The following THBS4 variants were observed in gnomAD, a reference collection of about 807,000 sequenced individuals.
THBS4 encodes the protein thrombospondin-4.
A neutral mutation model predicts 115.7 loss-of-function variants in THBS4; 90 were observed. The observed-to-expected ratio is 0.78, with a 90% CI of 0.66 to 0.93. The LOEUF (loss-of-function observed/expected upper bound fraction) is 0.93. Among genes scored for constraint, THBS4 ranks in the 40% least tolerant of loss-of-function variants. The pLI is 0.00. For synonymous variants in THBS4, 460 were observed against 479.3 expected (o/e 0.96, Z 0.53); for missense variants, 1,087 against 1,232.7 (o/e 0.88, Z 1.77).
chr5:80,028,735 AG>A (rs1180725834), intron 2 of THBS4, among the ~76,000 whole-genome samples: 2 of 152,194 alleles, frequency 1.3e-5, no homozygotes, highest in Non-Finnish European at 2.9e-5. Flanking sequence ...CTGGGATTAC[AG>A]GCGTGAGCTA....
upstream of THBS4, among the ~76,000 whole-genome samples, chr5:80,032,963 A>G (rs1257636678): frequency 6.6e-6 from 1 of 152,146 alleles, no homozygotes. Context: ...ATTTGCTAGG[A>G]TCGAAAATTC....
Position 80,078,943 on chromosome 5 carries a change from T to A in THBS4, c.2288T>A (p.Met763Lys). 5 of 1,614,192 alleles carry A rather than the reference T, an allele frequency of 3.1e-6. No homozygotes were observed. Among genetic ancestry groups the A allele is most frequent in the Non-Finnish European group, 4.2e-6 (5 of 1,180,012 alleles). Residue 763 changes from methionine (M) to lysine (K), a missense_variant, in exon 18 of 22, where the codon ATG becomes AAG. Physicochemically the swap from Met to Lys is moderately conservative, Grantham distance 95. This residue lies in a region of THBS4 where 979 missense variants were observed against 1,103.7 expected (regional missense o/e 0.89). Coordinates refer to ENST00000350881, the MANE Select transcript of THBS4 (RefSeq NM_003248.6). The stretch of plus-strand genomic sequence containing the variant: ...CAGGGCATGGAGATTGTACAGACCA[T>A]GAACAGTGATCCTGGCCTGGCAGTG... ...LNQGMEIVQT[M>K]NSDPGLAVGY...
At chr5:80,010,770 G>T (rs555554997) in intron 2 of THBS4, among the ~76,000 whole-genome samples, 1 of 152,232 alleles carries the variant, frequency 6.6e-6, no homozygotes, top group Admixed American at 6.5e-5. Flanking sequence ...GATACGGGGC[G>T]TTGAAGCTGA....
intron 2 of THBS4, among the ~76,000 whole-genome samples, chr5:79,999,241 A>G (rs2151149088): frequency 6.6e-6 from 1 of 152,350 alleles, no homozygotes. Flanking sequence ...GCATAATAAG[A>G]ATTACTATAA....
upstream of THBS4, among the ~76,000 whole-genome samples, chr5:80,031,089 A>G (rs1307651660): frequency 6.6e-6 from 1 of 152,244 alleles, no homozygotes; most frequent in African/African-American, 2.4e-5. Context: ...TCACACATGC[A>G]GCAAAGGGGT....
chr5:80,065,269 C>T, intron 8 of THBS4, 140 bp from the exon 9 acceptor site: 1 of 652,740 alleles, frequency 1.5e-6, no homozygotes, highest in South Asian at 2.0e-5. Flanking sequence ...GGAGATGGCA[C>T]AAATAACCCT....
intron 2 of THBS4, among the ~76,000 whole-genome samples, chr5:80,055,470 T>C (rs1195014944): frequency 6.6e-6 from 1 of 152,236 alleles, no homozygotes; most frequent in East Asian, 1.9e-4. Context: ...GATTGGGTTC[T>C]GCTTGCTCAT....
At chr5:80,017,092 A>G (rs1049122531) in intron 2 of THBS4, among the ~76,000 whole-genome samples, 1 of 152,248 alleles carries the variant, frequency 6.6e-6, no homozygotes, top group African/African-American at 2.4e-5. Context: ...GGGAGGAGGA[A>G]TTAGAATTAC....
Position 80,059,562 on chromosome 5 carries a change from CTG to C in THBS4, c.784+75_784+76del, listed in dbSNP as rs371079356. 1,231 of 1,595,188 alleles carry C rather than the reference CTG, an allele frequency of 7.7e-4. 6 individuals are homozygous for C. The African/African-American group carries it at 0.014, about 18-fold the overall frequency. ...GGCTGATGAAGGGCTTGCGGTGAGGCTGTGTTGACCGCAGTTTCTGAAGGTCT... is the reference window on the plus strand; with the variant it reads ...GGCTGATGAAGGGCTTGCGGTGAGGCTGTTGACCGCAGTTTCTGAAGGTCT... On this transcript the variant is annotated intron_variant, in intron 6 of 21. Transcript: ENST00000350881.
At chr5:80,082,668 C>CTGAT (rs1234699070) in intron 21 of THBS4, 123 bp downstream of exon 21, 1 of 1,160,498 alleles carries the variant, frequency 8.6e-7, no homozygotes, top group Non-Finnish European at 1.2e-6. Context: ...TCATTAAAAC[C>CTGAT]TGATAGTCCC....
chr5:79,997,404 G>A (rs926482829), intron 1 of THBS4, among the ~76,000 whole-genome samples: 30 of 151,430 alleles, frequency 2.0e-4, no homozygotes, highest in South Asian at 4.2e-4. Flanking sequence ...GTGTGTGTGT[G>A]TATATATGAA....
chr5:80,020,257 G>A (rs1029075470), intron 2 of THBS4, among the ~76,000 whole-genome samples: 4 of 152,122 alleles, frequency 2.6e-5, no homozygotes, highest in African/African-American at 9.7e-5. Context: ...TGGATCACGA[G>A]GTCAGGAGAT....
chr5:80,048,971 A>G (rs770645554), intron 2 of THBS4, among the ~76,000 whole-genome samples: 5 of 152,200 alleles, frequency 3.3e-5, no homozygotes, highest in Non-Finnish European at 7.3e-5. Context: ...CATATGTTTA[A>G]AAGTGCCAAA....
Position 80,040,041 on chromosome 5 carries a change from C to A in THBS4, c.89-36C>A, listed in dbSNP as rs201953068. On this transcript the variant is annotated intron_variant, in intron 1 of 21. Transcript: ENST00000350881. ...AACCCTGTTTTCCCCAAAATTGAAT[C>A]TTTCACTTATACCCCTTCTTCTCCC... 5.1e-5 allele frequency: 81 copies of A among 1,591,646 alleles called. 1 individual carries two copies. The East Asian group carries it at 1.5e-3, about 29-fold the overall frequency.
intron 3 of THBS4, among the ~76,000 whole-genome samples, chr5:80,057,347 C>T (rs1833466194): frequency 6.6e-6 from 1 of 152,184 alleles, no homozygotes; most frequent in East Asian, 1.9e-4. Context: ...ATCACAGTGG[C>T]TCAGTCTCAT....
intron 9 of THBS4, chr5:80,067,672 C>T (rs1833879093): frequency 4.5e-6 from 1 of 223,746 alleles, no homozygotes; most frequent in Admixed American, 5.6e-5. Flanking sequence ...AACTTTTGAC[C>T]TGTCCCCTAT....
chr5:80,012,439 A>G (rs776682033), intron 2 of THBS4, among the ~76,000 whole-genome samples: 1 of 152,202 alleles, frequency 6.6e-6, no homozygotes, highest in African/African-American at 2.4e-5. Flanking sequence ...TGGTGTGTAC[A>G]ACAGGAAAAA....
intron 2 of THBS4, among the ~76,000 whole-genome samples, chr5:80,006,536 G>A (rs940549477): frequency 9.2e-5 from 14 of 152,162 alleles, no homozygotes; most frequent in East Asian, 5.8e-4. Flanking sequence ...CATCAGCAGC[G>A]TGAAAATGGA....
At position 80,077,461 on chromosome 5, in the gene THBS4, A is replaced by G. The variant is rs149947861; in HGVS notation, c.2086+413A>G. On this transcript the variant is annotated intron_variant, in intron 16 of 21. Transcript: ENST00000350881. Reference sequence around the variant, plus strand: ...TGGTATATGCTGGGTTCACAAACACAGATGCCTGCAGGTGCCAGGCAGATA... The same window carrying G: ...TGGTATATGCTGGGTTCACAAACACGGATGCCTGCAGGTGCCAGGCAGATA... 2.2e-4 allele frequency among the ~76,000 whole-genome samples: 34 copies of G among 152,338 alleles called. No homozygotes were observed. In the East Asian group the frequency reaches 6.4e-3, roughly 29 times the overall value.
Sources: gnomAD v4.1 joint callset for allele counts (sites outside exome capture counted in the v4.1 genomes callset) on GRCh38, gnomAD v4.1.1 for gene constraint, gnomAD v4.1.1 regional missense constraint, MANE v1.5 for transcripts, NCBI Gene and HGNC (gene_info 2026-07-23, HGNC 2026-07-21) for gene names.